The following TESC variants were observed in gnomAD, a reference collection of about 807,000 sequenced individuals.
TESC encodes the protein calcineurin B homologous protein 3.
A neutral mutation model predicts 31.0 loss-of-function variants in TESC; 19 were observed. That is an observed-to-expected ratio of 0.61 (90% confidence interval 0.43 to 0.90). TESC has a LOEUF of 0.90. Among genes scored for constraint, TESC ranks in the 40% least tolerant of loss-of-function variants. The pLI, the probability that TESC is intolerant of heterozygous loss-of-function variation, is 0.00. For missense variants in TESC, 248 were observed against 303.8 expected, an observed-to-expected ratio of 0.82 and a Z score of 1.36; for synonymous variants, 109 against 114.8, an observed-to-expected ratio of 0.95 and a Z score of 0.32.
At chr12:117,040,738 G>A (rs532252187) in intron 7 of TESC, among the ~76,000 whole-genome samples, 1 of 152,328 alleles carries the variant, frequency 6.6e-6, no homozygotes, top group East Asian at 1.9e-4. Context: ...GACCTCCGCA[G>A]TCTCCTTTCA....
At chr12:117,092,084 A>G (rs7963451) in intron 1 of TESC, among the ~76,000 whole-genome samples, 80,814 of 152,070 alleles carry the variant, frequency 0.53, 22,849 homozygotes, top group African/African-American at 0.74. Context: ...TTGCCCATCT[A>G]TAAACTGGCA....
chr12:117,092,150 CAAGA>C (rs1221270048), intron 1 of TESC, among the ~76,000 whole-genome samples: 2 of 152,162 alleles, frequency 1.3e-5, no homozygotes, highest in Non-Finnish European at 2.9e-5. Context: ...GACAAGTGCT[CAAGA>C]AAGAGCAGCT....
chr12:117,069,746 T>G (rs974427414), intron 2 of TESC, among the ~76,000 whole-genome samples: 1 of 152,210 alleles, frequency 6.6e-6, no homozygotes, highest in Non-Finnish European at 1.5e-5. Context: ...AATTGCCTCA[T>G]GAGAGTTTGT....
intron 2 of TESC, among the ~76,000 whole-genome samples, chr12:117,071,186 C>T (rs1954967367): frequency 6.6e-6 from 1 of 152,226 alleles, no homozygotes; most frequent in African/African-American, 2.4e-5. Flanking sequence ...TTCTGCTAGT[C>T]ATTACATTCA....
chr12:117,044,562 C>G (rs1054745923), intron 6 of TESC, among the ~76,000 whole-genome samples: 23 of 152,332 alleles, frequency 1.5e-4, no homozygotes, highest in Non-Finnish European at 2.9e-4. Flanking sequence ...AGCAGTCCCC[C>G]CATCAAGCAT....
chr12:117,071,314 A>C (rs1466587352), intron 2 of TESC, among the ~76,000 whole-genome samples: 10 of 152,236 alleles, frequency 6.6e-5, no homozygotes, highest in Non-Finnish European at 2.9e-5. Context: ...ACTTTGGCCA[A>C]GGAAAAAGGC....
chr12:117,061,104 C>T (rs1954795508), intron 2 of TESC, among the ~76,000 whole-genome samples: 1 of 152,178 alleles, frequency 6.6e-6, no homozygotes, highest in African/African-American at 2.4e-5. Context: ...ACAGGAACCT[C>T]ACAGGGTTGC....
chr12:117,063,273 ACTTC>A (rs969351665), intron 2 of TESC, among the ~76,000 whole-genome samples: 1 of 151,814 alleles, frequency 6.6e-6, no homozygotes, highest in African/African-American at 2.4e-5. Context: ...CACTCTCACC[ACTTC>A]CTTCCTTCCA....
rs558068484 is a variant in TESC, at chr12:117,047,079, T to C, written c.350-241A>G. On this transcript the variant is annotated intron_variant, in intron 4 of 7. Coordinates refer to ENST00000335209, the MANE Select transcript of TESC (RefSeq NM_017899.4). ...CTGTGAAATGGGAATAACAACAGTG[T>C]CTACCTCGTGGCCTTAGGAGGGCTG... 2.0e-5 allele frequency among the ~76,000 whole-genome samples: 3 copies of C among 152,328 alleles called. No homozygotes were observed. In the South Asian group the frequency reaches 6.2e-4, roughly 32 times the overall value.
rs543946351 is a variant in TESC at position 117,069,701 on chromosome 12, C to T, written c.128+5570G>A. ...GACCAGGCCCAACACAGATAAGAAA[C>T]GGTGGCTTAAAAACAAAATCAATTT... On this transcript the variant is annotated intron_variant, in intron 2 of 7. Coordinates refer to ENST00000335209, the MANE Select transcript of TESC (RefSeq NM_017899.4). Among the ~76,000 whole-genome samples the T allele has an allele frequency of 3.3e-5, 5 of 152,302 alleles. No homozygotes were observed. The South Asian group carries it at 6.2e-4, about 19-fold the overall frequency.
At chr12:117,088,173 C>T (rs1005786850) in intron 1 of TESC, among the ~76,000 whole-genome samples, 1 of 152,050 alleles carries the variant, frequency 6.6e-6, no homozygotes, top group Non-Finnish European at 1.5e-5. Flanking sequence ...AAATACATAT[C>T]ATTTATGTAA....
intron 4 of TESC, 125 bp from the exon 5 acceptor site, chr12:117,046,963 T>C: frequency 9.6e-7 from 1 of 1,037,510 alleles, no homozygotes; most frequent in Admixed American, 2.1e-5. Context: ...GCCAGAGGGG[T>C]CAGGGCATGA....
chr12:117,088,680 C>CAAAAA (rs60089641), intron 1 of TESC, among the ~76,000 whole-genome samples: 1,968 of 120,764 alleles, frequency 0.016, 62 homozygotes, highest in African/African-American at 0.053. Flanking sequence ...GACTCTGTCT[C>CAAAAA]AAAAAAAAAA....
At chr12:117,085,197 C>T (rs1250986852) in intron 1 of TESC, among the ~76,000 whole-genome samples, 2 of 152,070 alleles carry the variant, frequency 1.3e-5, no homozygotes, top group Non-Finnish European at 2.9e-5. Flanking sequence ...GCTCAGGGAG[C>T]CTCGGGCTCT....
intron 2 of TESC, among the ~76,000 whole-genome samples, chr12:117,064,907 T>C (rs937200337): frequency 2.0e-5 from 3 of 152,140 alleles, no homozygotes; most frequent in African/African-American, 7.2e-5. Context: ...CAGTGAAGAA[T>C]CATCCAGCCC....
chr12:117,081,868 C>T (rs1171648200), intron 1 of TESC, among the ~76,000 whole-genome samples: 2 of 151,786 alleles, frequency 1.3e-5, no homozygotes, highest in African/African-American at 2.4e-5. Flanking sequence ...CGTGCCACTG[C>T]ACTCCAGCCT....
At chr12:117,075,875 G>GTATATATATATATA (rs528031954) in intron 1 of TESC, among the ~76,000 whole-genome samples, 1 of 62,542 alleles carries the variant, frequency 1.6e-5, no homozygotes, top group Non-Finnish European at 2.8e-5. Flanking sequence ...ATATATGTGT[G>GTATATATATATATA]TATATATATA....
At chr12:117,075,481 G>A (rs991947926) in intron 1 of TESC, 141 bp from the exon 2 acceptor site, 25 of 826,090 alleles carry the variant, frequency 3.0e-5, no homozygotes, top group Non-Finnish European at 3.9e-5. Flanking sequence ...TGGCAAAAGC[G>A]AGTGCCGGGT....
intron 1 of TESC, chr12:117,083,843 T>A (rs1955181150): frequency 6.6e-6 from 1 of 152,242 alleles, no homozygotes; most frequent in Non-Finnish European, 1.5e-5. Context: ...ACACCTGTAA[T>A]CCCAGCACTT....
Sources: gnomAD v4.1 joint callset for allele counts (sites outside exome capture counted in the v4.1 genomes callset) on GRCh38, gnomAD v4.1.1 for gene constraint, MANE v1.5 for transcripts, NCBI Gene and HGNC (gene_info 2026-07-23, HGNC 2026-07-21) for gene names.